Variants in GPHN observed in about 807,000 individuals in gnomAD.
GPHN encodes gephyrin.
GPHN carries 17 observed loss-of-function variants against 95.5 expected under a neutral mutation model. That is an observed-to-expected ratio of 0.18 (90% CI 0.12 to 0.27). GPHN has a LOEUF of 0.27. Among genes scored for constraint, GPHN ranks in the 10% least tolerant of loss-of-function variants. The probability of loss-of-function intolerance (pLI) is 1.00; values close to 1 mark genes in which losing one functional copy is unlikely to be tolerated. For missense variants in GPHN, 660 were observed against 978.1 expected, an observed-to-expected ratio of 0.67 and a Z score of 4.34; for synonymous variants, 320 against 322.5, an observed-to-expected ratio of 0.99 and a Z score of 0.08.
At chr14:67,516,431 G>A in the GPHN span, among the ~76,000 whole-genome samples, 1 of 152,140 alleles carries the variant, frequency 6.6e-6, no homozygotes, top group Non-Finnish European at 1.5e-5. Flanking sequence ...CAACAAGAGA[G>A]GCTGAAGCCC....
chr14:67,662,920 A>C, the GPHN span: 14 of 1,273,284 alleles, frequency 1.1e-5, no homozygotes, highest in Non-Finnish European at 5.9e-6. Flanking sequence ...AAAAAAAAAA[A>C]AGAATGTTTA....
At chr14:67,183,790 C>G (rs1300969229), downstream of GPHN, among the ~76,000 whole-genome samples, 6 of 151,876 alleles carry the variant, frequency 4.0e-5, no homozygotes, top group African/African-American at 1.5e-4. Flanking sequence ...TCTCAAACTC[C>G]TGACCTCAGG....
the GPHN span, among the ~76,000 whole-genome samples, chr14:67,397,165 C>G: frequency 6.6e-6 from 1 of 152,160 alleles, no homozygotes; most frequent in Non-Finnish European, 1.5e-5. Context: ...TGTCAAACTC[C>G]TCACCGCAAG....
At chr14:66,575,882 T>A (rs754769627) in intron 1 of GPHN, among the ~76,000 whole-genome samples, 4 of 152,106 alleles carry the variant, frequency 2.6e-5, no homozygotes, top group Non-Finnish European at 5.9e-5. Flanking sequence ...GTCTAGAGTC[T>A]GAATCCATGG....
chr14:67,078,972 A>C (rs993808790), intron 11 of GPHN, among the ~76,000 whole-genome samples: 3 of 152,086 alleles, frequency 2.0e-5, no homozygotes, highest in Admixed American at 2.0e-4. Flanking sequence ...CAACTCCAAA[A>C]TCAGGACTAA....
intron 9 of GPHN, among the ~76,000 whole-genome samples, chr14:66,999,366 T>C (rs1397180131): frequency 6.6e-6 from 1 of 151,952 alleles, no homozygotes; most frequent in Non-Finnish European, 1.5e-5. Context: ...ATATACTATG[T>C]GAAGATACAC....
At chr14:66,560,362 C>G (rs1457977555) in intron 1 of GPHN, among the ~76,000 whole-genome samples, 1 of 152,126 alleles carries the variant, frequency 6.6e-6, no homozygotes, top group Non-Finnish European at 1.5e-5. Flanking sequence ...TTGATTCTTC[C>G]TACCCATGAG....
At chr14:67,105,846 A>G (rs2078005200) in intron 13 of GPHN, among the ~76,000 whole-genome samples, 3 of 152,074 alleles carry the variant, frequency 2.0e-5, no homozygotes, top group South Asian at 4.1e-4. Context: ...TTACTGATAG[A>G]TGAGGACTCC....
At chr14:67,645,224 G>C in the GPHN span, among the ~76,000 whole-genome samples, 1 of 151,244 alleles carries the variant, frequency 6.6e-6, no homozygotes, top group African/African-American at 2.4e-5. Flanking sequence ...ATTTTGCCCA[G>C]GCTGGTCTTG....
intron 2 of GPHN, among the ~76,000 whole-genome samples, chr14:66,746,324 A>G (rs976429993): frequency 2.0e-5 from 3 of 152,182 alleles, no homozygotes; most frequent in African/African-American, 7.2e-5. Context: ...GTGAATTTGT[A>G]TCCTGTATTA....
At chr14:66,773,780 T>C (rs1233049353) in intron 2 of GPHN, among the ~76,000 whole-genome samples, 11 of 152,154 alleles carry the variant, frequency 7.2e-5, no homozygotes, top group Admixed American at 2.0e-4. Flanking sequence ...CTGTGTTGCA[T>C]AGGCTGGTCT....
At chr14:66,831,629 C>T (rs2061583933) in intron 4 of GPHN, among the ~76,000 whole-genome samples, 1 of 152,144 alleles carries the variant, frequency 6.6e-6, no homozygotes, top group Non-Finnish European at 1.5e-5. Context: ...CTACTACTTA[C>T]TAACTATGAA....
chr14:67,477,197 T>C, the GPHN span, among the ~76,000 whole-genome samples: 1 of 152,080 alleles, frequency 6.6e-6, no homozygotes, highest in Non-Finnish European at 1.5e-5. Flanking sequence ...CGATATCTCC[T>C]TATTTCCTAA....
chr14:67,350,626 G>A, the GPHN span: 1 of 1,613,508 alleles, frequency 6.2e-7, no homozygotes, highest in Non-Finnish European at 8.5e-7. Context: ...GTCACCTGCT[G>A]TGAACTTGGC....
At chr14:66,840,552 G>C (rs1293109689) in intron 4 of GPHN, among the ~76,000 whole-genome samples, 1 of 151,972 alleles carries the variant, frequency 6.6e-6, no homozygotes, top group Non-Finnish European at 1.5e-5. Context: ...CTGCCAGACC[G>C]GTAGCACAGA....
intron 1 of GPHN, chr14:66,509,521 G>T (rs989643428): frequency 2.8e-4 from 42 of 152,412 alleles, no homozygotes; most frequent in African/African-American, 9.6e-4. Context: ...GCGATCGGCA[G>T]TTGCTGCAGG....
Position 66,508,477 on chromosome 14 carries a change from G to GGGCTCCGGTTTCTCCC in GPHN, c.-44_-29dup, listed in dbSNP as rs949869757. On this transcript the variant is annotated 5_prime_UTR_variant, in exon 1 of 23. Coordinates refer to ENST00000478722, the MANE Select transcript of GPHN (RefSeq NM_020806.5). ...AGCGCGCTCCCGGCCCGCGCGCTCC[G>GGGCTCCGGTTTCTCCC]GGCTCCGGTTTCTCCCGGCTCCTGT... The GGGCTCCGGTTTCTCCC allele has an allele frequency of 4.4e-6, 7 of 1,576,090 alleles. No homozygotes were observed. The highest frequency in any genetic ancestry group is 2.2e-5 in the East Asian group (1 of 44,664).
At chr14:66,927,853 T>G (rs1172691696) in intron 8 of GPHN, among the ~76,000 whole-genome samples, 1 of 152,204 alleles carries the variant, frequency 6.6e-6, no homozygotes. Flanking sequence ...TTGATTTGCC[T>G]ATGTTGAACC....
the GPHN span, chr14:67,467,820 C>A: frequency 6.6e-6 from 1 of 152,126 alleles, no homozygotes; most frequent in Non-Finnish European, 1.5e-5. Flanking sequence ...GTGGCCGACT[C>A]TTTGCCAACA....
Sources: allele counts gnomAD v4.1 joint callset (sites outside exome capture counted in the v4.1 genomes callset), GRCh38; gene constraint gnomAD v4.1.1; transcripts MANE v1.5; gene names NCBI Gene and HGNC (gene_info 2026-07-23, HGNC 2026-07-21).